ARHGAP23: variants seen among roughly 807,000 people sequenced by gnomAD.
The protein encoded by ARHGAP23 is rho GTPase-activating protein 23.
A neutral mutation model predicts 136.3 loss-of-function variants in ARHGAP23; 34 were observed. The ratio of observed to expected loss-of-function variants is 0.25; its 90% CI spans 0.19 to 0.33. The LOEUF (loss-of-function observed/expected upper bound fraction) is 0.33. Among genes scored for constraint, ARHGAP23 ranks in the 10% least tolerant of loss-of-function variants. ARHGAP23 has a pLI of 1.00. For missense variants in ARHGAP23, 1,808 were observed against 2,139.0 expected (o/e 0.85, Z 3.05); for synonymous variants, 832 against 920.5 (o/e 0.90, Z 1.74).
intron 10 of ARHGAP23, among the ~76,000 whole-genome samples, chr17:38,471,011 G>A (rs2039742075): frequency 6.7e-6 from 1 of 148,726 alleles, no homozygotes. Flanking sequence ...GGAGTGCAGT[G>A]GCACGATCTC....
rs982558353 is a variant in ARHGAP23 at position 38,467,363 on chromosome 17, G to A, written c.1648+32G>A. 5 of 1,450,134 alleles carry A rather than the reference G, an allele frequency of 3.4e-6. No homozygotes were observed. In the Admixed American group the frequency reaches 1.4e-4, roughly 42 times the overall value. The allele number at this position is 1,450,134 out of a possible 1,614,324, so 89.8% of individuals were successfully genotyped here. On this transcript the variant is annotated intron_variant, in intron 7 of 23. Coordinates refer to ENST00000622683, the MANE Select transcript of ARHGAP23 (RefSeq NM_001199417.2). Reference sequence around the variant, plus strand: ...GATGGTACATGTGGCTGTCCTGGGGGACTTAGCTGTCGGCTGTCTGTGTCC... The same window carrying A: ...GATGGTACATGTGGCTGTCCTGGGGAACTTAGCTGTCGGCTGTCTGTGTCC...
At chr17:38,503,779 C>CA (rs2040571160) in intron 23 of ARHGAP23, among the ~76,000 whole-genome samples, 1 of 152,210 alleles carries the variant, frequency 6.6e-6, no homozygotes, top group South Asian at 2.1e-4. Context: ...GGGCCTTGAA[C>CA]AATAGAACGT....
chr17:38,442,353 C>T (rs2038939449), intron 1 of ARHGAP23, among the ~76,000 whole-genome samples: 2 of 152,134 alleles, frequency 1.3e-5, no homozygotes, highest in Non-Finnish European at 2.9e-5. Flanking sequence ...TCTGCCAGAC[C>T]CCTCCTGGGG....
In ARHGAP23 at chr17:38,467,256, C is replaced by A; in HGVS notation, c.1573C>A (p.Arg525=). 2 of 1,549,106 alleles carry A rather than the reference C, an allele frequency of 1.3e-6. No individual in the cohort carries two copies. Among genetic ancestry groups the A allele is most frequent in the Non-Finnish European group, 1.7e-6 (2 of 1,145,544 alleles). ...GTCCCCAGAGCCAGAGGCCAGTGGG[C>A]GAGGGGAACGCCTGGGCAGGAAGGT... The part of the protein sequence containing the change: ...DESPEPEASG[R]GERLGRKVAP... Residue 525 remains arginine, a synonymous_variant, in exon 7 of 24, where the codon CGA becomes AGA. Coordinates refer to ENST00000622683, the MANE Select transcript of ARHGAP23 (RefSeq NM_001199417.2).
chr17:38,461,877 GC>G (rs2039467906), intron 3 of ARHGAP23, among the ~76,000 whole-genome samples: 1 of 152,102 alleles, frequency 6.6e-6, no homozygotes, highest in Non-Finnish European at 1.5e-5. Context: ...ACTTGTGTGT[GC>G]TGCACATGTG....
chr17:38,496,814 G>A (rs1468401253), intron 20 of ARHGAP23, among the ~76,000 whole-genome samples: 5 of 152,120 alleles, frequency 3.3e-5, no homozygotes, highest in Non-Finnish European at 5.9e-5. Flanking sequence ...TTATCCAGGC[G>A]TGATGGCGTG....
At chr17:38,446,769 C>T (rs549911586) in intron 1 of ARHGAP23, among the ~76,000 whole-genome samples, 22 of 152,098 alleles carry the variant, frequency 1.4e-4, no homozygotes, top group African/African-American at 5.3e-4. Context: ...AACTGCCATA[C>T]TGATTTCCAT....
intron 1 of ARHGAP23, among the ~76,000 whole-genome samples, chr17:38,420,522 G>A (rs1192391900): frequency 6.6e-6 from 1 of 152,246 alleles, no homozygotes; most frequent in Non-Finnish European, 1.5e-5. Flanking sequence ...CACTCTGGCA[G>A]AGGGCTTGTG....
intron 1 of ARHGAP23, among the ~76,000 whole-genome samples, chr17:38,431,233 C>T (rs1451350074): frequency 6.6e-6 from 1 of 152,190 alleles, no homozygotes; most frequent in Non-Finnish European, 1.5e-5. Context: ...AGTTGCTTGT[C>T]TTTTGTTCTA....
intron 14 of ARHGAP23, 46 bp from the exon 15 acceptor site, chr17:38,481,976 C>T: frequency 1.4e-6 from 2 of 1,477,986 alleles, no homozygotes; most frequent in Admixed American, 2.7e-5. Context: ...GTGTGTGACC[C>T]TCCTGGATAC....
Position 38,490,175 on chromosome 17 carries a change from G to A in ARHGAP23, c.3060G>A (p.Leu1020=). 1.9e-6 allele frequency: 3 copies of A among 1,551,508 alleles called. No homozygotes were observed. The highest frequency in any genetic ancestry group is 2.6e-6 in the Non-Finnish European group (3 of 1,146,780). Residue 1020 remains leucine, a splice_region_variant and synonymous_variant, in exon 18 of 24, where the codon CTG becomes CTA. Transcript: ENST00000622683. ...ARERMRTLRK[L]IRDLPGHYYE... ...AGCGAATGAGGACGCTGCGGAAGCT[G>A]GTAAGGAGAGAGAGGTGCTGTCAGA...
chr17:38,463,816 C>T (rs867956622), intron 6 of ARHGAP23, among the ~76,000 whole-genome samples: 2 of 152,130 alleles, frequency 1.3e-5, no homozygotes, highest in Admixed American at 6.5e-5. Flanking sequence ...ACACAGTACC[C>T]GAGCAGTACA....
chr17:38,428,201 T>A (rs1452858909), upstream of ARHGAP23, among the ~76,000 whole-genome samples: 1 of 152,172 alleles, frequency 6.6e-6, no homozygotes, highest in East Asian at 1.9e-4. Flanking sequence ...GGCAAGCGTC[T>A]CCTGGAGACC....
At chr17:38,432,453 G>T (rs1260754491) in intron 1 of ARHGAP23, among the ~76,000 whole-genome samples, 1 of 152,188 alleles carries the variant, frequency 6.6e-6, no homozygotes, top group Non-Finnish European at 1.5e-5. Flanking sequence ...GCCAAGGCGG[G>T]TGGATCACCT....
chr17:38,500,336 G>A (rs1022309849), intron 22 of ARHGAP23: 76 of 538,280 alleles, frequency 1.4e-4, no homozygotes, highest in Middle Eastern at 4.9e-4. Flanking sequence ...CTTAGCCATC[G>A]GTAAATGAGG....
intron 1 of ARHGAP23, among the ~76,000 whole-genome samples, chr17:38,434,271 G>A (rs769249102): frequency 4.6e-5 from 7 of 152,224 alleles, no homozygotes; most frequent in Non-Finnish European, 1.0e-4. Flanking sequence ...GCCCGGGCCC[G>A]TAAGGAGCGG....
At chr17:38,502,195 A>G (rs1030080631) in intron 23 of ARHGAP23, among the ~76,000 whole-genome samples, 1 of 152,176 alleles carries the variant, frequency 6.6e-6, no homozygotes, top group Non-Finnish European at 1.5e-5. Flanking sequence ...AATCCCAGCT[A>G]CTCAGGAGGC....
intron 1 of ARHGAP23, among the ~76,000 whole-genome samples, chr17:38,443,611 G>A (rs2038965820): frequency 1.3e-5 from 2 of 151,140 alleles, no homozygotes; most frequent in South Asian, 2.1e-4. Flanking sequence ...CTGGATTAGG[G>A]AGTGGTTCAG....
Position 38,469,115 on chromosome 17 carries a change from T to C in ARHGAP23, c.1649-29T>C, listed in dbSNP as rs1597800048. 3 of 1,533,678 alleles carry C rather than the reference T, an allele frequency of 2.0e-6. No homozygotes were observed. In the East Asian group the frequency reaches 7.4e-5, roughly 38 times the overall value. ...CAGGCAGGCTCCGCTGTCTGCTGCC[T>C]TCACACCTTTCTCCTTCCACATGCA... On this transcript the variant is annotated intron_variant, in intron 7 of 23. Transcript: ENST00000622683.
Sources: gnomAD v4.1 joint callset for allele counts (sites outside exome capture counted in the v4.1 genomes callset) on GRCh38, gnomAD v4.1.1 for gene constraint, MANE v1.5 for transcripts, NCBI Gene and HGNC (gene_info 2026-07-23, HGNC 2026-07-21) for gene names.